The following COBL variants were observed in gnomAD, a reference collection of about 807,000 sequenced individuals.
The protein encoded by COBL is protein cordon-bleu.
A neutral mutation model predicts 98.8 loss-of-function variants in COBL; 51 were observed. The ratio of observed to expected loss-of-function variants is 0.52; its 90% confidence interval spans 0.41 to 0.65. The LOEUF (loss-of-function observed/expected upper bound fraction) is 0.65, where lower values mean the gene tolerates loss of function less well. Among genes scored for constraint, COBL ranks in the 30% least tolerant of loss-of-function variants. The pLI, the probability that COBL is intolerant of heterozygous loss-of-function variation, is 0.00. For missense variants in COBL, 1,617 were observed against 1,617.5 expected (o/e 1.00, Z 0.01); for synonymous variants, 634 against 651.7 (o/e 0.97, Z 0.41).
intron 2 of COBL, among the ~76,000 whole-genome samples, chr7:51,198,648 T>A (rs1340136604): frequency 6.6e-6 from 1 of 152,242 alleles, no homozygotes; most frequent in Non-Finnish European, 1.5e-5. Flanking sequence ...TATTCCTTAA[T>A]AAGTAACTTG....
intron 7 of COBL, among the ~76,000 whole-genome samples, chr7:51,069,572 AAGAACC>A (rs1265646367): frequency 6.6e-6 from 1 of 152,242 alleles, no homozygotes; most frequent in Non-Finnish European, 1.5e-5. Flanking sequence ...ACATTCCAGG[AAGAACC>A]AGAATTTCAA....
chr7:51,073,811 G>T (rs1424704208), intron 7 of COBL, among the ~76,000 whole-genome samples: 1 of 152,188 alleles, frequency 6.6e-6, no homozygotes, highest in East Asian at 1.9e-4. Flanking sequence ...ATATGGCTTT[G>T]TGATGCCCTC....
chr7:51,047,964 C>T (rs565193544), intron 7 of COBL, among the ~76,000 whole-genome samples: 1 of 152,186 alleles, frequency 6.6e-6, no homozygotes, highest in South Asian at 2.1e-4. Context: ...GCCAGGAGTT[C>T]GAGACCAGCG....
intron 1 of COBL, among the ~76,000 whole-genome samples, chr7:51,239,232 T>C (rs1795547510): frequency 6.6e-6 from 1 of 152,038 alleles, no homozygotes; most frequent in South Asian, 2.1e-4. Flanking sequence ...CAGGATGAGA[T>C]AGGAGGTCTG....
intron 1 of COBL, among the ~76,000 whole-genome samples, chr7:51,261,704 C>T (rs140835848): frequency 1.3e-5 from 2 of 152,274 alleles, no homozygotes; most frequent in Non-Finnish European, 2.9e-5. Flanking sequence ...CGGTGGCTCA[C>T]GCCTGTAGTC....
chr7:51,121,087 C>A (rs891820403), intron 6 of COBL, among the ~76,000 whole-genome samples: 1 of 152,142 alleles, frequency 6.6e-6, no homozygotes, highest in African/African-American at 2.4e-5. Flanking sequence ...TTTCTGAGGA[C>A]CTGTCATACT....
intron 7 of COBL, among the ~76,000 whole-genome samples, chr7:51,057,215 G>A (rs905287085): frequency 3.3e-5 from 5 of 152,118 alleles, no homozygotes; most frequent in African/African-American, 1.2e-4. Flanking sequence ...TGTTATAATT[G>A]TCCTATTTCA....
intron 2 of COBL, among the ~76,000 whole-genome samples, chr7:51,200,547 T>C (rs1791022350): frequency 6.6e-6 from 1 of 152,152 alleles, no homozygotes; most frequent in Non-Finnish European, 1.5e-5. Flanking sequence ...GAAGTGGATA[T>C]CAGCTTCAAA....
At chr7:51,141,724 A>G (rs964590089) in intron 5 of COBL, among the ~76,000 whole-genome samples, 2 of 151,730 alleles carry the variant, frequency 1.3e-5, no homozygotes, top group African/African-American at 4.8e-5. Flanking sequence ...CTTCAGATAC[A>G]GGTGTTGACA....
In COBL at chr7:51,028,230, C is replaced by A; in HGVS notation, c.2866G>T (p.Gly956Cys). 6.2e-7 allele frequency: 1 copy of A among 1,614,144 alleles called. No individual in the cohort carries two copies. The highest frequency in any genetic ancestry group is 1.1e-5 in the South Asian group (1 of 91,078). Residue 956 changes from glycine (G) to cysteine (C), a missense_variant, in exon 10 of 13, where the codon GGC becomes TGC. Physicochemically the swap from Gly to Cys is radical, Grantham distance 159 (BLOSUM62 -3). This residue lies in a region of COBL where 1,304 missense variants were observed against 1,282.0 expected (regional missense o/e 1.02). Transcript: ENST00000265136. ...TGAGTAGACAACTTCCTGTGTGGGC[C>A]AATGACCTCCCCCCTAGGAGGGGCT... ...VGAPPRGEVI[G>C]PHRKLSTQDR...
Position 51,294,332 on chromosome 7 carries a change from A to AT in COBL, c.41+22260_41+22261insA, listed in dbSNP as rs60784051. 4.0e-3 allele frequency among the ~76,000 whole-genome samples: 531 copies of AT among 132,754 alleles called. 4 individuals carry two copies. Among genetic ancestry groups the AT allele is most frequent in the African/African-American group, 0.016 (487 of 29,586 alleles). The allele number at this position is 132,754 out of a possible 152,430, so 87.1% of individuals were successfully genotyped here. ...AATAAATAAATAAATAAATAAATAA[A>AT]AATAAATAAATAAATAAAAGGCAGG... On this transcript the variant is annotated intron_variant, in intron 1 of 12. Coordinates refer to ENST00000265136, the MANE Select transcript of COBL (RefSeq NM_015198.5).
At position 51,025,168 on chromosome 7, in the gene COBL, C is replaced by A. The variant is rs374766330; in HGVS notation, c.3709G>T (p.Ala1237Ser). Reference sequence around the variant, plus strand: ...ATGGCGTCCATCAAGGCTTGCCTTGCGTCTGCGGTGTTGCTGAGGGTGCCC... The same window carrying A: ...ATGGCGTCCATCAAGGCTTGCCTTGAGTCTGCGGTGTTGCTGAGGGTGCCC... ...STGTLSNTADARQALMDAIRS... is the reference protein window; with the variant it reads ...STGTLSNTADSRQALMDAIRS... Residue 1237 changes from alanine (A) to serine (S), a missense_variant, in exon 12 of 13, where the codon GCA becomes TCA. By Grantham distance (99) the Ala-to-Ser change is moderately conservative. This residue lies in a region of COBL where 1,304 missense variants were observed against 1,282.0 expected (regional missense o/e 1.02). Transcript: ENST00000265136. 7.8e-6 allele frequency: 12 copies of A among 1,544,994 alleles called. No individual in the cohort carries two copies. Among genetic ancestry groups the A allele is most frequent in the African/African-American group, 4.2e-5 (3 of 72,112 alleles).
chr7:51,187,899 C>G, intron 4 of COBL: 1 of 1,232,278 alleles, frequency 8.1e-7, no homozygotes, highest in Non-Finnish European at 1.0e-6. Flanking sequence ...GCGGGAAGCC[C>G]CAGGTTCACT....
chr7:51,173,250 T>C (rs574765104), intron 5 of COBL, among the ~76,000 whole-genome samples: 8 of 152,044 alleles, frequency 5.3e-5, no homozygotes, highest in African/African-American at 1.7e-4. Context: ...GGTGCTATCT[T>C]GGCTCACTGC....
chr7:51,098,817 AG>A (rs1205050169), intron 6 of COBL, among the ~76,000 whole-genome samples: 1 of 152,204 alleles, frequency 6.6e-6, no homozygotes, highest in Non-Finnish European at 1.5e-5. Context: ...CAGAGTGAAG[AG>A]GGAACCTATA....
chr7:51,269,082 G>A (rs1008871911), intron 1 of COBL, among the ~76,000 whole-genome samples: 1 of 152,004 alleles, frequency 6.6e-6, no homozygotes, highest in East Asian at 1.9e-4. Flanking sequence ...CCAGCCACCC[G>A]CTGCAGCAGG....
rs199910320 is a variant in COBL at position 51,128,591 on chromosome 7, T to C, written c.957+7567A>G. 1.8e-4 allele frequency among the ~76,000 whole-genome samples: 28 copies of C among 152,332 alleles called. No homozygotes were observed. The East Asian group carries it at 4.1e-3, about 22-fold the overall frequency. Reference sequence around the variant, plus strand: ...CTTATCTTCATATTTTGTGTGGCCATTGCACCCATTTACAGAAAGCAGAAG... The same window carrying C: ...CTTATCTTCATATTTTGTGTGGCCACTGCACCCATTTACAGAAAGCAGAAG... On this transcript the variant is annotated intron_variant, in intron 6 of 12. Coordinates refer to ENST00000265136, the MANE Select transcript of COBL (RefSeq NM_015198.5).
At chr7:51,091,861 G>A (rs550698958) in intron 6 of COBL, among the ~76,000 whole-genome samples, 11 of 152,202 alleles carry the variant, frequency 7.2e-5, no homozygotes, top group South Asian at 2.1e-4. Flanking sequence ...CCAGAAGAGG[G>A]TGGAATGACA....
At chr7:51,037,017 T>C (rs965539229) in intron 8 of COBL, among the ~76,000 whole-genome samples, 5 of 152,114 alleles carry the variant, frequency 3.3e-5, no homozygotes, top group African/African-American at 1.2e-4. Flanking sequence ...TCCCTGCAGG[T>C]AGGAGGAGAT....
Sources: allele counts gnomAD v4.1 joint callset (sites outside exome capture counted in the v4.1 genomes callset), GRCh38; gene constraint gnomAD v4.1.1; regional missense constraint gnomAD v4.1.1; transcripts MANE v1.5; gene names NCBI Gene and HGNC (gene_info 2026-07-23, HGNC 2026-07-21).